The following CCDC27 variants were observed in gnomAD, a reference collection of about 807,000 sequenced individuals.
The protein encoded by CCDC27 is coiled-coil domain containing 27.
CCDC27 carries 80 observed loss-of-function variants against 80.3 expected under a neutral mutation model. That is an observed-to-expected ratio of 1.00 (90% CI 0.83 to 1.20). The LOEUF (loss-of-function observed/expected upper bound fraction) is 1.20. Ranked by LOEUF, CCDC27 falls within the 50% of genes most tolerant of loss-of-function variation. The pLI is 0.00. For synonymous variants in CCDC27, 342 were observed against 334.3 expected (o/e 1.02, Z -0.25); for missense variants, 815 against 809.4 (o/e 1.01, Z -0.08).
At position 3,766,574 on chromosome 1, in the gene CCDC27, AT is replaced by A. The variant is rs776258059; in HGVS notation, c.1493del (p.Met498ArgfsTer66). 1 of 1,613,920 alleles carries A rather than the reference AT, an allele frequency of 6.2e-7. No individual in the cohort carries two copies. Among genetic ancestry groups the A allele is most frequent in the Non-Finnish European group, 8.5e-7 (1 of 1,179,978 alleles). On this transcript the variant is annotated frameshift_variant, in exon 9 of 12. Coordinates refer to ENST00000294600, the MANE Select transcript of CCDC27 (RefSeq NM_152492.3). LOFTEE classifies it high-confidence loss of function. This position sits in a 1 kb window ranked among gnomAD's most constrained non-coding sequence, Gnocchi z 6.1. ...AGAAGATAAGAAACACCAAGAGATGATGGGGCTCATTGAAAAGGACAACCAG... is the reference window on the plus strand; with the variant it reads ...AGAAGATAAGAAACACCAAGAGATGAGGGGCTCATTGAAAAGGACAACCAG... Reference protein sequence around the residue: ...LREDKKHQEMMGLIEKDNQLL... With the variant: ...LREDKKHQEMXGLIEKDNQLL...
intron 6 of CCDC27, 70 bp downstream of exon 6, chr1:3,762,782 TAAGAGGCCCAGGCCCC>T: frequency 1.0e-5 from 14 of 1,374,834 alleles, no homozygotes; most frequent in Non-Finnish European, 1.4e-5. Flanking sequence ...GCTGCTTAAC[TAAGAGGCCCAGGCCCC>T]AAGTGTCCCT....
rs1643294072 is a variant in CCDC27, at chr1:3,768,901, A to C, written c.1744-882A>C. Among the ~76,000 whole-genome samples, 1 of 152,122 alleles carries C rather than the reference A, an allele frequency of 6.6e-6. No homozygotes were observed. The highest frequency in any genetic ancestry group is 2.1e-4 in the South Asian group (1 of 4,828). On this transcript the variant is annotated intron_variant, in intron 10 of 11. Coordinates refer to ENST00000294600, the MANE Select transcript of CCDC27 (RefSeq NM_152492.3). This position sits in a 1 kb window ranked among gnomAD's most constrained non-coding sequence, Gnocchi z 5.6. ...TTTGTACAAAGTTGGGCGCTCAATA[A>C]ATACTGGAAAGAAGGAAAGGATTCC...
In CCDC27 at chr1:3,763,883, C is replaced by T. The variant is rs1233226524; in HGVS notation, c.1452+47C>T. ...GCCTCCGCTCCATGAGCATGGGCCC[C>T]AGGCTTCATTAACCCCCGGCAGCTC... On this transcript the variant is annotated intron_variant, in intron 8 of 11. Transcript: ENST00000294600. This position sits in a 1 kb window ranked among gnomAD's most constrained non-coding sequence, Gnocchi z 7.5. 4.2e-5 allele frequency: 67 copies of T among 1,599,848 alleles called. No individual in the cohort carries two copies. The highest frequency in any genetic ancestry group is 4.3e-5 in the Non-Finnish European group (50 of 1,170,832).
chr1:3,763,193 C>T lies in CCDC27; in HGVS notation c.1040C>T (p.Pro347Leu). 1.3e-6 allele frequency: 2 copies of T among 1,516,356 alleles called. No homozygotes were observed. Among genetic ancestry groups the T allele is most frequent in the Non-Finnish European group, 8.9e-7 (1 of 1,129,076 alleles). The allele number at this position is 1,516,356 out of a possible 1,614,324, so 93.9% of individuals were successfully genotyped here. The change falls in exon 7 of 12, where the codon CCC becomes CTC. Residue 347 changes from proline (P) to leucine (L), a missense_variant. Physicochemically the swap from Pro to Leu is moderately conservative, Grantham distance 98. Transcript: ENST00000294600. This position sits in a 1 kb window ranked among gnomAD's most constrained non-coding sequence, Gnocchi z 7.5. ...GAGGACGAGGGCCTGGAAGGGGAGC[C>T]CGATGGGGTGGAGGACACGGGTGCC... is the stretch of plus-strand genomic sequence containing the variant. ...GEEDEGLEGE[P>L]DGVEDTGAWG...
At chr1:3,753,018 C>T (rs528152433) in intron 1 of CCDC27, among the ~76,000 whole-genome samples, 1 of 152,214 alleles carries the variant, frequency 6.6e-6, no homozygotes, top group South Asian at 2.1e-4. Flanking sequence ...CCTTAGTCCC[C>T]ACATGCCACC....
intron 10 of CCDC27, 45 bp downstream of exon 10, chr1:3,767,490 G>A (rs373800722): frequency 4.0e-5 from 62 of 1,537,890 alleles, no homozygotes; most frequent in South Asian, 1.4e-4. Context: ...AGCAGCTGGC[G>A]GCCGAGCACC....
In CCDC27 at chr1:3,763,872, A is replaced by G. The variant is rs778794347; in HGVS notation, c.1452+36A>G. The stretch of plus-strand genomic sequence containing the variant: ...GCTCAGTACCGGCCTCCGCTCCATG[A>G]GCATGGGCCCCAGGCTTCATTAACC... On this transcript the variant is annotated intron_variant, in intron 8 of 11. Coordinates refer to ENST00000294600, the MANE Select transcript of CCDC27 (RefSeq NM_152492.3). The surrounding 1 kb of genome is among the most constrained non-coding windows in gnomAD (Gnocchi z 7.5). 7.5e-6 allele frequency: 12 copies of G among 1,606,522 alleles called. No homozygotes were observed. In the African/African-American group the frequency reaches 1.5e-4, roughly 20 times the overall value.
At chr1:3,753,824 C>T (rs187016491) in intron 1 of CCDC27, among the ~76,000 whole-genome samples, 142 of 152,014 alleles carry the variant, frequency 9.3e-4, no homozygotes, top group Non-Finnish European at 1.0e-3. Context: ...CTGTGAATCT[C>T]AGCCGACAGT....
chr1:3,753,118 G>A (rs1356164551), intron 1 of CCDC27, among the ~76,000 whole-genome samples: 1 of 152,124 alleles, frequency 6.6e-6, no homozygotes, highest in Non-Finnish European at 1.5e-5. Context: ...GGGAGAAGAT[G>A]TACAGTTTGC....
intron 8 of CCDC27, among the ~76,000 whole-genome samples, chr1:3,764,468 C>CAT (rs144068514): frequency 6.6e-6 from 1 of 151,886 alleles, no homozygotes; most frequent in African/African-American, 2.4e-5. Flanking sequence ...TTAATGCTTC[C>CAT]TTTTTTTTCC....
In CCDC27 at chr1:3,758,378, G is replaced by A. The variant is rs978924676; in HGVS notation, c.711+1488G>A. On this transcript the variant is annotated intron_variant, in intron 4 of 11. Coordinates refer to ENST00000294600, the MANE Select transcript of CCDC27 (RefSeq NM_152492.3). Reference sequence around the variant, plus strand: ...TAATTTTTGTATTTTTAGTAGAGACGGGTTTCACCATGTCAGACAGGATGG... The same window carrying A: ...TAATTTTTGTATTTTTAGTAGAGACAGGTTTCACCATGTCAGACAGGATGG... 5.9e-5 allele frequency among the ~76,000 whole-genome samples: 9 copies of A among 151,874 alleles called. No homozygotes were observed. In the South Asian group the frequency reaches 8.4e-4, roughly 14 times the overall value.
intron 3 of CCDC27, 169 bp from the exon 4 acceptor site, chr1:3,756,564 G>C (rs1642959200): frequency 1.5e-6 from 1 of 668,042 alleles, no homozygotes. Flanking sequence ...GCACCACACT[G>C]TGTCCTCAAA....
rs753443391 is a variant in CCDC27 at position 3,763,699 on chromosome 1, T to G, written c.1322-7T>G. 6.2e-7 allele frequency: 1 copy of G among 1,614,066 alleles called. No individual in the cohort carries two copies. The highest frequency in any genetic ancestry group is 1.1e-5 in the South Asian group (1 of 91,074). On this transcript the variant is annotated splice_region_variant and splice_polypyrimidine_tract_variant and intron_variant, in intron 7 of 11. Coordinates refer to ENST00000294600, the MANE Select transcript of CCDC27 (RefSeq NM_152492.3). This position sits in a 1 kb window ranked among gnomAD's most constrained non-coding sequence, Gnocchi z 7.5. ...CTCCTGCTCACCGCCTCTGCCTCTG[T>G]GCCCAGGAGTGATTGCGTCTTTACA...
chr1:3,764,602 T>C (rs893590708), intron 8 of CCDC27, among the ~76,000 whole-genome samples: 1 of 152,172 alleles, frequency 6.6e-6, no homozygotes, highest in Non-Finnish European at 1.5e-5. Flanking sequence ...CTCACACACA[T>C]ACATAAATAA....
rs1643062358 is a variant in CCDC27 at position 3,760,605 on chromosome 1, ATTTC to A, written c.712-672_712-669del. 6.6e-6 allele frequency among the ~76,000 whole-genome samples: 1 copy of A among 152,066 alleles called. No individual in the cohort carries two copies. The highest frequency in any genetic ancestry group is 1.5e-5 in the Non-Finnish European group (1 of 68,000). ...TAAAATGTTTCTAGCTTTCCTTGTG[ATTTC>A]TTTTTTGACCCATTGGCTACACAGA... On this transcript the variant is annotated intron_variant, in intron 4 of 11. Transcript: ENST00000294600. This position sits in a 1 kb window ranked among gnomAD's most constrained non-coding sequence, Gnocchi z 4.3.
intron 3 of CCDC27, 78 bp from the exon 4 acceptor site, chr1:3,756,655 G>T: frequency 2.0e-6 from 3 of 1,507,906 alleles, no homozygotes; most frequent in South Asian, 2.4e-5. Flanking sequence ...CGGAAGGGTG[G>T]ATGTCGTCAT....
At position 3,761,577 on chromosome 1, in the gene CCDC27, C is replaced by T. The variant is rs964883711; in HGVS notation, c.861+147C>T. The T allele has an allele frequency of 2.1e-6, 2 of 937,128 alleles. No homozygotes were observed. The highest frequency in any genetic ancestry group is 5.5e-5 in the East Asian group (2 of 36,608). The allele number at this position is 937,128 out of a possible 1,614,324, so 58.1% of individuals were successfully genotyped here. On this transcript the variant is annotated intron_variant, in intron 5 of 11. Coordinates refer to ENST00000294600, the MANE Select transcript of CCDC27 (RefSeq NM_152492.3). The surrounding 1 kb of genome is among the most constrained non-coding windows in gnomAD (Gnocchi z 5.0). ...CCTCACTGGAACGTGGACCGGTTCT[C>T]AGGGTTCTGATCAACAGGCAGGGGA...
Position 3,763,334 on chromosome 1 carries a change from A to C in CCDC27, c.1181A>C (p.Glu394Ala). The C allele has an allele frequency of 6.2e-7, 1 of 1,612,884 alleles. No homozygotes were observed. ...SEERELPEEE[E>A]IPRRRASSLA... ...GAAAGGGAGCTGCCGGAGGAAGAGG[A>C]GATCCCCAGGAGAAGGGCCTCCTCC... The change falls in exon 7 of 12, where the codon GAG (glutamate) becomes GCG (alanine). Residue 394 changes from glutamate (E) to alanine (A), a missense_variant. Glu to Ala is a moderately radical substitution (Grantham distance 107, BLOSUM62 -1). Transcript: ENST00000294600. This position sits in a 1 kb window ranked among gnomAD's most constrained non-coding sequence, Gnocchi z 7.5.
In CCDC27 at chr1:3,752,577, G is replaced by A; in HGVS notation, c.96G>A (p.Arg32=). 6.2e-7 allele frequency: 1 copy of A among 1,614,168 alleles called. No individual in the cohort carries two copies. Residue 32 remains arginine (R), a synonymous_variant, in exon 1 of 12, where the codon AGG becomes AGA. Transcript: ENST00000294600. ...PGLSSFRSTF[R]QQSSLGLCIP... is the part of the protein sequence containing the mutation. ...TGTCCTCATTCAGGTCCACATTCAG[G>A]CAACAAAGCTCACTTGGTCTTTGCA...
Sources: allele counts gnomAD v4.1 joint callset (sites outside exome capture counted in the v4.1 genomes callset), GRCh38; gene constraint gnomAD v4.1.1; non-coding constraint Gnocchi (gnomAD v3.1); transcripts MANE v1.5; gene names NCBI Gene and HGNC (gene_info 2026-07-23, HGNC 2026-07-21).